Variants in POC1B observed in about 807,000 individuals in gnomAD.
POC1B encodes POC1 centriolar protein B, also known as POC1 centriolar protein homolog B.
POC1B carries 44 observed loss-of-function variants against 60.6 expected under a neutral mutation model. The ratio of observed to expected loss-of-function variants is 0.73; its 90% CI spans 0.57 to 0.93. The LOEUF (loss-of-function observed/expected upper bound fraction) is 0.93, where lower values mean the gene tolerates loss of function less well. Among genes scored for constraint, POC1B ranks in the 40% least tolerant of loss-of-function variants. The probability of loss-of-function intolerance (pLI) is 0.00; values close to 1 mark genes in which losing one functional copy is unlikely to be tolerated. For synonymous variants in POC1B, 180 were observed against 198.9 expected, an observed-to-expected ratio of 0.90 and a Z score of 0.80; for missense variants, 555 against 572.3, an observed-to-expected ratio of 0.97 and a Z score of 0.31.
chr12:89,509,587 C>T, intron 2 of POC1B, among the ~76,000 whole-genome samples: 1 of 152,132 alleles, frequency 6.6e-6, no homozygotes, highest in East Asian at 1.9e-4. Context: ...AAGAAATTAG[C>T]TATAAATAGA....
At chr12:89,446,238 G>A (rs1455911199) in intron 10 of POC1B, among the ~76,000 whole-genome samples, 1 of 152,172 alleles carries the variant, frequency 6.6e-6, no homozygotes, top group African/African-American at 2.4e-5. Flanking sequence ...ATTTGACCCA[G>A]CCATCCCATT....
intron 2 of POC1B, among the ~76,000 whole-genome samples, chr12:89,502,860 A>G (rs569986574): frequency 3.3e-5 from 5 of 152,224 alleles, no homozygotes; most frequent in Admixed American, 2.6e-4. Flanking sequence ...GATTCGTTCT[A>G]TGTTCCTTCA....
chr12:89,476,274 A>C (rs931332973), intron 4 of POC1B, among the ~76,000 whole-genome samples: 1 of 152,122 alleles, frequency 6.6e-6, no homozygotes, highest in Non-Finnish European at 1.5e-5. Context: ...AATAGCCCAA[A>C]TTATATAACA....
intron 2 of POC1B, chr12:89,502,261 G>C: frequency 6.7e-7 from 1 of 1,494,428 alleles, no homozygotes; most frequent in Non-Finnish European, 9.3e-7. Flanking sequence ...ACGAACTAAA[G>C]TGATACCAAA....
chr12:89,401,822 CT>C, the POC1B span, among the ~76,000 whole-genome samples: 1 of 152,222 alleles, frequency 6.6e-6, no homozygotes, highest in Non-Finnish European at 1.5e-5. Flanking sequence ...TTGTAAGCAA[CT>C]TTGCATGGGT....
At chr12:89,423,781 C>T (rs1353857367) in intron 11 of POC1B, among the ~76,000 whole-genome samples, 1 of 152,068 alleles carries the variant, frequency 6.6e-6, no homozygotes, top group Non-Finnish European at 1.5e-5. Flanking sequence ...TAGAGAAATT[C>T]AGTACAGCTT....
intron 10 of POC1B, among the ~76,000 whole-genome samples, chr12:89,449,783 G>A (rs1435413601): frequency 6.6e-6 from 1 of 152,078 alleles, no homozygotes; most frequent in East Asian, 1.9e-4. Context: ...AAAAAGGTAT[G>A]ATAATGGATC....
At chr12:89,525,771 G>T in intron 1 of POC1B, 110 bp downstream of exon 1, 1 of 1,365,368 alleles carries the variant, frequency 7.3e-7, no homozygotes, top group South Asian at 1.8e-5. Context: ...ACCCGGCTAC[G>T]GACACCTGCC....
Position 89,434,948 on chromosome 12 carries a change from T to A in POC1B, c.1114-9569A>T, listed in dbSNP as rs529135178. On this transcript the variant is annotated intron_variant, in intron 10 of 11. Coordinates refer to ENST00000313546, the MANE Select transcript of POC1B (RefSeq NM_172240.3). Reference sequence around the variant, plus strand: ...AGCTGAGTGAAAAATGTATTTAATATTTTTTCTAAAAAAACTTAGCAGACA... The same window carrying A: ...AGCTGAGTGAAAAATGTATTTAATAATTTTTCTAAAAAAACTTAGCAGACA... 2.2e-3 allele frequency among the ~76,000 whole-genome samples: 329 copies of A among 151,896 alleles called. 1 individual carries two copies. The highest frequency in any genetic ancestry group is 7.7e-3 in the African/African-American group (318 of 41,502).
chr12:89,466,351 CTTCTT>C (rs1467272429), intron 9 of POC1B, among the ~76,000 whole-genome samples: 1 of 152,192 alleles, frequency 6.6e-6, no homozygotes, highest in Non-Finnish European at 1.5e-5. Context: ...CACTAACTCT[CTTCTT>C]TTACCTGTCC....
chr12:89,521,967 A>G, intron 2 of POC1B: 1 of 399,004 alleles, frequency 2.5e-6, no homozygotes, highest in Non-Finnish European at 4.4e-6. Flanking sequence ...TAAATGATTA[A>G]GCATTAACAA....
At chr12:89,487,301 G>A (rs1381155547) in intron 4 of POC1B, among the ~76,000 whole-genome samples, 1 of 152,204 alleles carries the variant, frequency 6.6e-6, no homozygotes, top group Non-Finnish European at 1.5e-5. Flanking sequence ...GTTCCTCAGG[G>A]CAAGCTTGAG....
intron 10 of POC1B, among the ~76,000 whole-genome samples, chr12:89,447,827 C>T (rs1466389140): frequency 6.6e-6 from 1 of 151,964 alleles, no homozygotes. Context: ...AGCAAAATTC[C>T]TATGAAAGTT....
At chr12:89,427,772 T>G (rs1312692509) in intron 10 of POC1B, 1 of 152,182 alleles carries the variant, frequency 6.6e-6, no homozygotes, top group African/African-American at 2.4e-5. Flanking sequence ...TTCGAGTTAC[T>G]CAACTCCTTA....
At chr12:89,412,823 C>T in the POC1B span, among the ~76,000 whole-genome samples, 5 of 122,628 alleles carry the variant, frequency 4.1e-5, no homozygotes, top group East Asian at 2.3e-3. Context: ...TCCTTCCTTC[C>T]TTCCTTCCTT....
At chr12:89,507,398 T>C (rs1180864546) in intron 2 of POC1B, among the ~76,000 whole-genome samples, 1 of 152,020 alleles carries the variant, frequency 6.6e-6, no homozygotes, top group African/African-American at 2.4e-5. Flanking sequence ...ATGTATTTGG[T>C]TATTGATGTC....
intron 4 of POC1B, among the ~76,000 whole-genome samples, chr12:89,491,673 C>T (rs1868981713): frequency 6.6e-6 from 1 of 151,524 alleles, no homozygotes; most frequent in South Asian, 2.1e-4. Context: ...TACGCGCCCC[C>T]TTCTAACCCA....
At chr12:89,416,585 G>C (rs1880370078), downstream of POC1B, among the ~76,000 whole-genome samples, 1 of 152,204 alleles carries the variant, frequency 6.6e-6, no homozygotes, top group South Asian at 2.1e-4. Context: ...GCAGAGGCCA[G>C]ACAGGTAATG....
intron 1 of POC1B, chr12:89,525,434 C>T: frequency 4.0e-5 from 55 of 1,380,030 alleles, no homozygotes; most frequent in Non-Finnish European, 5.0e-5. Flanking sequence ...ACGCTCTGTT[C>T]GCGCTTCCCA....
Sources: gnomAD v4.1 joint callset for allele counts (sites outside exome capture counted in the v4.1 genomes callset) on GRCh38, gnomAD v4.1.1 for gene constraint, MANE v1.5 for transcripts, NCBI Gene and HGNC (gene_info 2026-07-23, HGNC 2026-07-21) for gene names.